FAM120C: variants seen among roughly 807,000 people sequenced by gnomAD.
The protein encoded by FAM120C is constitutive coactivator of PPAR-gamma-like protein 2.
FAM120C carries 14 observed loss-of-function variants against 71.2 expected under a neutral mutation model. That is an observed-to-expected ratio of 0.20 (90% CI 0.13 to 0.31). FAM120C has a LOEUF of 0.31. FAM120C is among the 10% of genes least tolerant of loss of function. FAM120C has a pLI of 1.00. For missense variants in FAM120C, 500 were observed against 879.0 expected (o/e 0.57, Z 5.45); for synonymous variants, 354 against 353.2 (o/e 1.00, Z -0.03).
At chrX:54,074,735 G>A (rs2066726962) in intron 15 of FAM120C, among the ~76,000 whole-genome samples, 1 of 112,548 alleles carries the variant, frequency 8.9e-6, no homozygotes, top group South Asian at 3.6e-4. Flanking sequence ...ACAATCACCT[G>A]GTTTTTGTAA....
intron 9 of FAM120C, among the ~76,000 whole-genome samples, chrX:54,131,548 C>T (rs1415319395): frequency 9.1e-6 from 1 of 110,211 alleles, no homozygotes; most frequent in African/African-American, 3.3e-5. Flanking sequence ...AAGCGATTCT[C>T]CTGCCTCAGT....
At chrX:54,130,340 A>AT (rs1417523094) in intron 9 of FAM120C, among the ~76,000 whole-genome samples, 5 of 111,638 alleles carry the variant, frequency 4.5e-5, no homozygotes, top group Admixed American at 3.8e-4. Context: ...ATAACTGTTT[A>AT]TCAAAGCATT....
chrX:54,077,827 C>A (rs889973457), intron 15 of FAM120C, among the ~76,000 whole-genome samples: 26 of 109,480 alleles, frequency 2.4e-4, no homozygotes, highest in Admixed American at 2.3e-3. Context: ...TATCTCTCAC[C>A]CCCTTCTTCC....
intron 14 of FAM120C, 125 bp downstream of exon 14, chrX:54,081,197 G>GA (rs1248425699): frequency 8.4e-4 from 558 of 666,593 alleles, no homozygotes; most frequent in Middle Eastern, 1.0e-3. Context: ...AAGAAAAAAA[G>GA]AAAAAAAAAG....
chrX:54,140,639 A>T (rs1340848215), intron 4 of FAM120C, among the ~76,000 whole-genome samples: 39 of 108,583 alleles, frequency 3.6e-4, no homozygotes, highest in Admixed American at 3.6e-3. Context: ...AAAAAAAAGA[A>T]AAGAAAAAGA....
At chrX:54,109,565 T>C (rs1373921150) in intron 10 of FAM120C, among the ~76,000 whole-genome samples, 2 of 106,161 alleles carry the variant, frequency 1.9e-5, no homozygotes, top group East Asian at 5.9e-4. Flanking sequence ...CAGTGAGCCA[T>C]GATCACACCA....
intron 1 of FAM120C, chrX:54,173,967 C>T: frequency 2.3e-6 from 1 of 435,632 alleles, no homozygotes; most frequent in Non-Finnish European, 4.1e-6. Context: ...TCAAGGCTTG[C>T]CTGGGGAAGG....
At chrX:54,118,699 C>CTTTTTTTTTTTTTTTT (rs1187381929) in intron 9 of FAM120C, among the ~76,000 whole-genome samples, 1 of 31,721 alleles carries the variant, frequency 3.2e-5, no homozygotes, top group Non-Finnish European at 5.5e-5. Flanking sequence ...TTCTTTTTTT[C>CTTTTTTTTTTTTTTTT]TTTTTTTTTT....
Position 54,132,862 on chromosome X carries a change from C to A in FAM120C, c.1892G>T (p.Gly631Val). The A allele has an allele frequency of 8.4e-7, 1 of 1,184,429 alleles. No homozygotes were observed. The highest frequency in any genetic ancestry group is 1.8e-5 in the African/African-American group (1 of 56,597). The change falls in exon 9 of 16, where the codon GGT becomes GTT. Residue 631 changes from glycine (G) to valine (V), a missense_variant and splice_region_variant. Physicochemically the swap from Gly to Val is moderately radical, Grantham distance 109. Around this residue, in one of 11 missense-constraint regions of FAM120C, gnomAD observed 104 missense variants for 254.5 expected, o/e 0.41. Coordinates refer to ENST00000375180, the MANE Select transcript of FAM120C (RefSeq NM_017848.6). ...YPYIYHVLTK[G>V]EIKIPVCIED... Reference sequence around the variant, plus strand: ...AATACATACGGGGATCTTAATTTCACCCTAACAAGAGAACATTCCAGGGAA... The same window carrying A: ...AATACATACGGGGATCTTAATTTCAACCTAACAAGAGAACATTCCAGGGAA...
In FAM120C at chrX:54,080,216, C is replaced by A. The variant is rs781929390; in HGVS notation, c.3036+16G>T. The A allele has an allele frequency of 1.4e-5, 17 of 1,188,901 alleles. No individual in the cohort carries two copies. Among genetic ancestry groups the A allele is most frequent in the Middle Eastern group, 2.3e-4 (1 of 4,324 alleles). On this transcript the variant is annotated intron_variant, in intron 15 of 15. Coordinates refer to ENST00000375180, the MANE Select transcript of FAM120C (RefSeq NM_017848.6). The stretch of plus-strand genomic sequence containing the variant: ...GCATCAAACAGAAGCTAAATAATCT[C>A]AAAAAAAATACTTACTTGCTTATTT...
rs1557137718 is a variant in FAM120C, at chrX:54,182,938, G to T, written c.261C>A (p.Pro87=). ...GGAGPTRHHH[P]AHHFHHHGQA... ...GGCCATGATGGTGGAAGTGGTGAGC[G>T]GGGTGATGGTGCCGAGTCGGCCCCG... Residue 87 remains proline (P), a synonymous_variant, in exon 1 of 16, where the codon CCC becomes CCA. Transcript: ENST00000375180. The T allele has an allele frequency of 8.6e-7, 1 of 1,160,412 alleles. No homozygotes were observed. The highest frequency in any genetic ancestry group is 3.3e-5 in the East Asian group (1 of 30,166).
intron 1 of FAM120C, among the ~76,000 whole-genome samples, chrX:54,180,437 T>C (rs1242353071): frequency 8.9e-6 from 1 of 112,354 alleles, no homozygotes; most frequent in African/African-American, 3.2e-5. Context: ...CACTAAACCT[T>C]GTCCTCCTTG....
At chrX:54,126,987 G>T (rs964293175) in intron 9 of FAM120C, among the ~76,000 whole-genome samples, 2 of 112,288 alleles carry the variant, frequency 1.8e-5, no homozygotes, top group South Asian at 3.7e-4. Flanking sequence ...TAAGATCAAG[G>T]TATTGGTAGA....
chrX:54,144,974 A>T (rs1460793981), intron 4 of FAM120C, among the ~76,000 whole-genome samples: 1 of 111,728 alleles, frequency 9.0e-6, no homozygotes, highest in Non-Finnish European at 1.9e-5. Context: ...AACGATATAG[A>T]CCAATGGAAC....
intron 13 of FAM120C, among the ~76,000 whole-genome samples, chrX:54,084,389 T>G (rs1368026982): frequency 8.9e-6 from 1 of 111,932 alleles, no homozygotes; most frequent in Non-Finnish European, 1.9e-5. Context: ...CTGAATTTTG[T>G]CACCCTAAAA....
intron 1 of FAM120C, chrX:54,173,879 G>C: frequency 3.0e-6 from 1 of 336,355 alleles, no homozygotes; most frequent in East Asian, 4.4e-5. Flanking sequence ...AGTATCTGTA[G>C]GCATGGCTTA....
chrX:54,152,481 C>T (rs1239774569), intron 3 of FAM120C, among the ~76,000 whole-genome samples: 2 of 112,104 alleles, frequency 1.8e-5, no homozygotes, highest in African/African-American at 3.2e-5. Flanking sequence ...TGGTCTTGAA[C>T]TCCTGACCTC....
chrX:54,108,622 T>C (rs782723798), intron 10 of FAM120C, among the ~76,000 whole-genome samples: 6 of 111,496 alleles, frequency 5.4e-5, no homozygotes, highest in Admixed American at 3.8e-4. Context: ...AATGAACTTA[T>C]ACAGATATAA....
chrX:54,096,093 G>A (rs782409047), intron 10 of FAM120C, among the ~76,000 whole-genome samples: 7 of 111,770 alleles, frequency 6.3e-5, no homozygotes, highest in African/African-American at 1.9e-4. Context: ...GTTGGCTAAA[G>A]GTAATACAAG....
Sources: allele counts gnomAD v4.1 joint callset (sites outside exome capture counted in the v4.1 genomes callset), GRCh38; gene constraint gnomAD v4.1.1; regional missense constraint gnomAD v4.1.1; transcripts MANE v1.5; gene names NCBI Gene and HGNC (gene_info 2026-07-23, HGNC 2026-07-21).